Variants in ITGA1 observed in about 807,000 individuals in gnomAD.
ITGA1 encodes the protein integrin alpha-1.
A neutral mutation model predicts 145.9 loss-of-function variants in ITGA1; 85 were observed. That is an observed-to-expected ratio of 0.58 (90% confidence interval 0.49 to 0.70). The LOEUF is 0.70. Ranked by LOEUF, ITGA1 falls within the 30% of genes least tolerant of loss-of-function variation. The pLI is 0.00. For missense variants in ITGA1, 1,351 were observed against 1,418.7 expected (o/e 0.95, Z 0.77); for synonymous variants, 520 against 495.3 (o/e 1.05, Z -0.66).
At chr5:52,920,605 C>A in intron 17 of ITGA1, 137 bp downstream of exon 17, 2 of 710,212 alleles carry the variant, frequency 2.8e-6, no homozygotes, top group Non-Finnish European at 4.2e-6. Flanking sequence ...CTTGTTTGTT[C>A]ATTTTTATCA....
Position 52,958,746 on chromosome 5 carries a change from A to C in ITGA1, c.*6295A>C, listed in dbSNP as rs1267428451. The C allele has an allele frequency of 6.6e-6, 1 of 152,206 alleles. No homozygotes were observed. Among genetic ancestry groups the C allele is most frequent in the Non-Finnish European group, 1.5e-5 (1 of 68,026 alleles). The allele number at this position is 152,206 out of a possible 1,614,324, so 9.4% of individuals were successfully genotyped here. A position where few individuals can be genotyped will look rare whatever the true frequency, so the allele number is the denominator to read the frequency against. ...TGCATACAAGAACTACTGCCCTGAAATATCCATCACTCCAATGAACTGTTC... is the reference window on the plus strand; with the variant it reads ...TGCATACAAGAACTACTGCCCTGAACTATCCATCACTCCAATGAACTGTTC... On this transcript the variant is annotated 3_prime_UTR_variant, in exon 29 of 29. Transcript: ENST00000282588.
At chr5:52,949,678 A>G (rs1751189286) in intron 28 of ITGA1, among the ~76,000 whole-genome samples, 1 of 152,120 alleles carries the variant, frequency 6.6e-6, no homozygotes, top group South Asian at 2.1e-4. Context: ...ACTCTCTTAA[A>G]CACATAATAC....
Position 52,861,282 on chromosome 5 carries a change from A to G in ITGA1, c.183-165A>G, listed in dbSNP as rs184223966. On this transcript the variant is annotated intron_variant, in intron 2 of 28. Coordinates refer to ENST00000282588, the MANE Select transcript of ITGA1 (RefSeq NM_181501.2). ...ACTTTTTAATCCACATCAATATGCAAGAGGTAGGCTCTCTGCTTAGTTTAC... is the reference window on the plus strand; with the variant it reads ...ACTTTTTAATCCACATCAATATGCAGGAGGTAGGCTCTCTGCTTAGTTTAC... Among the ~76,000 whole-genome samples, 6 of 152,294 alleles carry G rather than the reference A, an allele frequency of 3.9e-5. No individual in the cohort carries two copies. The East Asian group carries it at 1.2e-3, about 29-fold the overall frequency.
intron 5 of ITGA1, 85 bp downstream of exon 5, chr5:52,865,167 A>G: frequency 3.1e-6 from 3 of 963,230 alleles, no homozygotes; most frequent in Non-Finnish European, 4.7e-6. Flanking sequence ...CATACCAAAA[A>G]GCTTAAAGTA....
rs966653428 is a variant in ITGA1, at chr5:52,915,493, A to C, written c.1887A>C (p.Thr629=). The change falls in exon 15 of 29, where the codon ACA becomes ACC. Residue 629 remains threonine, a synonymous_variant. Transcript: ENST00000282588. ...QRIPSGGDGK[T]LKFFGQSIHG... ...TTCCATCAGGTGGGGATGGTAAGAC[A>C]CTGAAATTTTTTGGCCAGTCTATCC... The C allele has an allele frequency of 6.2e-7, 1 of 1,614,074 alleles. No individual in the cohort carries two copies. Among genetic ancestry groups the C allele is most frequent in the East Asian group, 2.2e-5 (1 of 44,876 alleles).
intron 1 of ITGA1, among the ~76,000 whole-genome samples, chr5:52,829,334 T>C (rs1012886291): frequency 6.6e-6 from 1 of 152,126 alleles, no homozygotes; most frequent in African/African-American, 2.4e-5. Context: ...AAGATGAGTT[T>C]GGTCAACATA....
At position 52,954,025 on chromosome 5, in the gene ITGA1, C is replaced by T. The variant is rs943897944; in HGVS notation, c.*1574C>T. 2 of 152,184 alleles carry T rather than the reference C, an allele frequency of 1.3e-5. No homozygotes were observed. The highest frequency in any genetic ancestry group is 4.8e-5 in the African/African-American group (2 of 41,450). 9.4% of individuals were successfully genotyped at this position (152,184 alleles called of 1,614,324 possible). On this transcript the variant is annotated 3_prime_UTR_variant, in exon 29 of 29. Transcript: ENST00000282588. Reference sequence around the variant, plus strand: ...CCTACCTCTTGACTCTCCACATCCGCATCTAAGATCCTGAAGGCCAAAGGA... The same window carrying T: ...CCTACCTCTTGACTCTCCACATCCGTATCTAAGATCCTGAAGGCCAAAGGA...
At chr5:52,815,977 C>T (rs1260803790) in intron 1 of ITGA1, among the ~76,000 whole-genome samples, 1 of 152,074 alleles carries the variant, frequency 6.6e-6, no homozygotes, top group African/African-American at 2.4e-5. Flanking sequence ...TAACATACAG[C>T]AGGGAGACAG....
chr5:52,805,377 G>A (rs529126333), intron 1 of ITGA1, among the ~76,000 whole-genome samples: 25 of 152,208 alleles, frequency 1.6e-4, no homozygotes, highest in African/African-American at 5.8e-4. Context: ...TTAAAAAAAT[G>A]CATATTAGGA....
At chr5:52,878,104 A>C (rs1007897850) in intron 6 of ITGA1, among the ~76,000 whole-genome samples, 1 of 152,048 alleles carries the variant, frequency 6.6e-6, no homozygotes, top group Non-Finnish European at 1.5e-5. Context: ...CATTCCCTGC[A>C]CTCACCATTG....
chr5:52,841,533 G>C (rs923521343), intron 1 of ITGA1, among the ~76,000 whole-genome samples: 1 of 152,086 alleles, frequency 6.6e-6, no homozygotes, highest in African/African-American at 2.4e-5. Flanking sequence ...TATACTTTGA[G>C]TCAAATTTTA....
intron 1 of ITGA1, 34 bp from the exon 2 acceptor site, chr5:52,849,331 C>T (rs769116421): frequency 6.4e-7 from 1 of 1,563,772 alleles, no homozygotes; most frequent in Non-Finnish European, 8.7e-7. Flanking sequence ...TCTTAGTTAA[C>T]TCTATGTAAC....
chr5:52,827,822 T>C (rs1305714713), intron 1 of ITGA1, among the ~76,000 whole-genome samples: 1 of 152,196 alleles, frequency 6.6e-6, no homozygotes, highest in Non-Finnish European at 1.5e-5. Context: ...GGTATGCATA[T>C]TGTTTTTGTA....
chr5:52,893,121 C>T (rs1191405375), intron 8 of ITGA1, among the ~76,000 whole-genome samples: 1 of 152,172 alleles, frequency 6.6e-6, no homozygotes, highest in Non-Finnish European at 1.5e-5. Context: ...ATGCCCCTGT[C>T]TCCAGCATTT....
At chr5:52,880,203 C>T (rs1027100137) in intron 6 of ITGA1, among the ~76,000 whole-genome samples, 3 of 152,152 alleles carry the variant, frequency 2.0e-5, no homozygotes, top group Middle Eastern at 3.4e-3. Context: ...TTAGACTAGA[C>T]CCCCCTTCCA....
At chr5:52,922,253 A>G (rs1165584183) in intron 17 of ITGA1, among the ~76,000 whole-genome samples, 2 of 152,144 alleles carry the variant, frequency 1.3e-5, no homozygotes, top group Non-Finnish European at 2.9e-5. Context: ...GTGAGCCGAG[A>G]TCGTGCCGCT....
intron 17 of ITGA1, among the ~76,000 whole-genome samples, chr5:52,921,208 A>G (rs1750725894): frequency 1.3e-5 from 2 of 152,170 alleles, no homozygotes; most frequent in Non-Finnish European, 2.9e-5. Context: ...GGTAATGAGG[A>G]AACTGATTTT....
Position 52,905,877 on chromosome 5 carries a change from T to C in ITGA1, c.1424T>C (p.Ile475Thr). Residue 475 changes from isoleucine to threonine, a missense_variant, in exon 12 of 29, where the codon ATC (isoleucine) becomes ACC (threonine). Transcript: ENST00000282588. Reference protein sequence around the residue: ...VIIYRMEDGNIKILQTLSGEQ... With the variant: ...VIIYRMEDGNTKILQTLSGEQ... Reference sequence around the variant, plus strand: ...ATCTACAGGATGGAAGATGGAAACATCAAAATTCTCCAGACGCTCAGTGGA... The same window carrying C: ...ATCTACAGGATGGAAGATGGAAACACCAAAATTCTCCAGACGCTCAGTGGA... The C allele has an allele frequency of 6.2e-7, 1 of 1,613,326 alleles. No individual in the cohort carries two copies. The highest frequency in any genetic ancestry group is 2.2e-5 in the East Asian group (1 of 44,846).
intron 1 of ITGA1, chr5:52,801,565 G>A: frequency 6.2e-7 from 1 of 1,614,092 alleles, no homozygotes; most frequent in Non-Finnish European, 8.5e-7. Flanking sequence ...AGCTTTCTAT[G>A]GACTCAAGCA....
Sources: allele counts gnomAD v4.1 joint callset (sites outside exome capture counted in the v4.1 genomes callset), GRCh38; gene constraint gnomAD v4.1.1; transcripts MANE v1.5; gene names NCBI Gene and HGNC (gene_info 2026-07-23, HGNC 2026-07-21).